The following ABCB1 variants were observed in gnomAD, a reference collection of about 807,000 sequenced individuals.
ABCB1 encodes the protein ATP binding cassette subfamily B member 1.
Under a neutral mutation model 142.0 loss-of-function variants are expected in ABCB1, and 69 were observed. The ratio of observed to expected loss-of-function variants is 0.49; its 90% CI spans 0.40 to 0.59. The LOEUF (loss-of-function observed/expected upper bound fraction) is 0.59, where lower values mean the gene tolerates loss of function less well. ABCB1 is among the 20% of genes least tolerant of loss of function. The probability of loss-of-function intolerance (pLI) is 0.00; values close to 1 mark genes in which losing one functional copy is unlikely to be tolerated. For synonymous variants in ABCB1, 532 were observed against 539.2 expected (o/e 0.99, Z 0.18); for missense variants, 1,326 against 1,554.7 (o/e 0.85, Z 2.47).
rs545958382 is a variant in ABCB1, at chr7:87,516,108, T to C, written c.3084+401A>G. Among the ~76,000 whole-genome samples, 399 of 152,226 alleles carry C rather than the reference T, an allele frequency of 2.6e-3. 1 individual carries two copies. The highest frequency in any genetic ancestry group is 9.1e-3 in the African/African-American group (376 of 41,522). On this transcript the variant is annotated intron_variant, in intron 24 of 27. Transcript: ENST00000622132. Reference sequence around the variant, plus strand: ...AAATAATTAAAAAATTAGCTGGGCATGATGGCACACGCTTGTAGTCCCAGT... The same window carrying C: ...AAATAATTAAAAAATTAGCTGGGCACGATGGCACACGCTTGTAGTCCCAGT...
chr7:87,600,171 C>G lies in ABCB1; in HGVS notation c.14G>C (p.Gly5Ala), dbSNP rs747238624. 1.9e-6 allele frequency: 3 copies of G among 1,614,118 alleles called. No individual in the cohort carries two copies. The highest frequency in any genetic ancestry group is 2.5e-6 in the Non-Finnish European group (3 of 1,179,960). Residue 5 changes from glycine (G) to alanine (A), a missense_variant, in exon 2 of 28, where the codon GGG (glycine) becomes GCG (alanine). Coordinates refer to ENST00000622132, the MANE Select transcript of ABCB1 (RefSeq NM_001348946.2). MDLEGDRNGGAKKKN... is the reference protein window; with the variant it reads MDLEADRNGGAKKKN... Reference sequence around the variant, plus strand: ...CTTCTTTGCTCCTCCATTGCGGTCCCCTTCAAGATCCATTCCGACCTGAAG... The same window carrying G: ...CTTCTTTGCTCCTCCATTGCGGTCCGCTTCAAGATCCATTCCGACCTGAAG...
chr7:87,679,133 C>T (rs1472464991), intron 1 of ABCB1, among the ~76,000 whole-genome samples: 1 of 141,552 alleles, frequency 7.1e-6, no homozygotes, highest in Non-Finnish European at 1.5e-5. Flanking sequence ...CGCTCTTTCC[C>T]CCAGGCTGGA....
chr7:87,615,610 T>G (rs964173872), intron 1 of ABCB1, among the ~76,000 whole-genome samples: 7 of 151,598 alleles, frequency 4.6e-5, no homozygotes, highest in African/African-American at 1.7e-4. Context: ...CCCAGGGGAG[T>G]GTAATAGTGG....
At chr7:87,541,615 G>A (rs1392680718) in intron 17 of ABCB1, 151 bp from the exon 18 acceptor site, 3 of 679,320 alleles carry the variant, frequency 4.4e-6, no homozygotes, top group Non-Finnish European at 8.0e-6. Context: ...CAGCCTTAAA[G>A]GTGTCTGCAT....
At chr7:87,662,032 T>C (rs1020703044) in intron 1 of ABCB1, among the ~76,000 whole-genome samples, 2 of 152,214 alleles carry the variant, frequency 1.3e-5, no homozygotes, top group Non-Finnish European at 2.9e-5. Flanking sequence ...CATATACCTG[T>C]TTGCCATTTA....
chr7:87,611,704 A>G (rs967021476), intron 1 of ABCB1, among the ~76,000 whole-genome samples: 72 of 152,190 alleles, frequency 4.7e-4, no homozygotes, highest in Non-Finnish European at 3.1e-4. Flanking sequence ...GCTTACAGCA[A>G]GTCTGAACTA....
At chr7:87,512,428 T>C (rs1482712380) in intron 25 of ABCB1, among the ~76,000 whole-genome samples, 1 of 152,178 alleles carries the variant, frequency 6.6e-6, no homozygotes, top group East Asian at 1.9e-4. Context: ...ACTTGAATAA[T>C]CCAGGCCGGC....
At chr7:87,687,994 A>T (rs1374466216) in intron 1 of ABCB1, among the ~76,000 whole-genome samples, 1 of 152,186 alleles carries the variant, frequency 6.6e-6, no homozygotes, top group African/African-American at 2.4e-5. Context: ...CTGTAGTAAC[A>T]TATGAACACA....
At chr7:87,613,089 C>T (rs1257811312) in intron 1 of ABCB1, among the ~76,000 whole-genome samples, 1 of 149,804 alleles carries the variant, frequency 6.7e-6, no homozygotes, top group African/African-American at 2.5e-5. Context: ...TGGTGCATAG[C>T]AGTGCTACTG....
intron 1 of ABCB1, among the ~76,000 whole-genome samples, chr7:87,681,460 A>G (rs1826919669): frequency 6.6e-6 from 1 of 150,822 alleles, no homozygotes; most frequent in African/African-American, 2.5e-5. Flanking sequence ...GCAAGTCACA[A>G]AAAATTTTTG....
At chr7:87,554,073 AT>A in intron 8 of ABCB1, 141 bp from the exon 9 acceptor site, 1 of 740,852 alleles carries the variant, frequency 1.3e-6, no homozygotes, top group Admixed American at 2.2e-5. Flanking sequence ...TTGACCCTAT[AT>A]AGTAGTACTG....
Position 87,638,345 on chromosome 7 carries a change from T to TTGTGTGTGTGTG in ABCB1, c.-330-37279_-330-37268dup, listed in dbSNP as rs71524692. On this transcript the variant is annotated intron_variant, in intron 1 of 28. Coordinates refer to the ABCB1 transcript ENST00000265724. ...ATAAAACAAGTTAGGAAGTATGTGTTTGTGTGTGTGTGTGTGTGTGTGTGT... is the reference window on the plus strand; with the variant it reads ...ATAAAACAAGTTAGGAAGTATGTGTTTGTGTGTGTGTGTGTGTGTGTGTGTGTGTGTGTGTGT... 7.3e-3 allele frequency among the ~76,000 whole-genome samples: 1,061 copies of TTGTGTGTGTGTG among 144,772 alleles called. 13 individuals carry two copies. The highest frequency in any genetic ancestry group is 0.024 in the African/African-American group (941 of 39,242). 95.0% of individuals were successfully genotyped at this position (144,772 alleles called of 152,430 possible).
chr7:87,503,513 T>C lies in ABCB1; in HGVS notation c.*730A>G, dbSNP rs1052296095. On this transcript the variant is annotated 3_prime_UTR_variant, in exon 28 of 28. Coordinates refer to ENST00000622132, the MANE Select transcript of ABCB1 (RefSeq NM_001348946.2). ...CTTAAAAAATCCTTAAAGAACCCTTTATAAAAGCAATGCAAAGTATTTACT... is the reference window on the plus strand; with the variant it reads ...CTTAAAAAATCCTTAAAGAACCCTTCATAAAAGCAATGCAAAGTATTTACT... 1 of 152,214 alleles carries C rather than the reference T, an allele frequency of 6.6e-6. No individual in the cohort carries two copies. The highest frequency in any genetic ancestry group is 2.4e-5 in the African/African-American group (1 of 41,458). The allele number at this position is 152,214 out of a possible 1,614,324, so 9.4% of individuals were successfully genotyped here.
intron 1 of ABCB1, chr7:87,659,139 G>A: frequency 2.7e-6 from 1 of 372,540 alleles, no homozygotes; most frequent in South Asian, 2.1e-5. Context: ...TCTAGCCTGG[G>A]CAATAGAATG....
chr7:87,650,987 A>T, intron 1 of ABCB1: 1 of 1,070,228 alleles, frequency 9.3e-7, no homozygotes, highest in South Asian at 1.3e-5. Flanking sequence ...TCTTTATAAT[A>T]AGCTTGAAAT....
In ABCB1 at chr7:87,521,540, C is replaced by A. The variant is rs929454600; in HGVS notation, c.2686-664G>T. 2.0e-4 allele frequency: 152 copies of A among 756,404 alleles called. No homozygotes were observed. The African/African-American group carries it at 2.3e-3, about 12-fold the overall frequency. 46.9% of individuals were successfully genotyped at this position (756,404 alleles called of 1,614,324 possible). A position where few individuals can be genotyped will look rare whatever the true frequency, so the allele number is the denominator to read the frequency against. ...GGAGGTTGAGCTCTACATTGGTTGA[C>A]CAATGAGAGCCTGAGGAGCCATTTT... On this transcript the variant is annotated intron_variant, in intron 21 of 27. Transcript: ENST00000622132.
intron 5 of ABCB1, among the ~76,000 whole-genome samples, chr7:87,568,761 A>C (rs1414109193): frequency 2.6e-5 from 4 of 152,198 alleles, no homozygotes; most frequent in Non-Finnish European, 5.9e-5. Context: ...TCAATAACTA[A>C]TTACTATCTA....
intron 21 of ABCB1, among the ~76,000 whole-genome samples, chr7:87,525,260 G>T (rs980273407): frequency 6.6e-6 from 1 of 152,006 alleles, no homozygotes; most frequent in Non-Finnish European, 1.5e-5. Flanking sequence ...AAATAATTTT[G>T]AAGAAATAAA....
intron 1 of ABCB1, among the ~76,000 whole-genome samples, chr7:87,652,803 TCTTCA>T (rs1363711210): frequency 3.3e-5 from 5 of 151,900 alleles, no homozygotes; most frequent in African/African-American, 9.7e-5. Flanking sequence ...GATAGTACAC[TCTTCA>T]CTTATGATTT....
Sources: allele counts gnomAD v4.1 joint callset (sites outside exome capture counted in the v4.1 genomes callset), GRCh38; gene constraint gnomAD v4.1.1; transcripts MANE v1.5; gene names NCBI Gene and HGNC (gene_info 2026-07-23, HGNC 2026-07-21).